Variants in AIMP2 observed in about 807,000 individuals in gnomAD.
The protein encoded by AIMP2 is aminoacyl tRNA synthase complex-interacting multifunctional protein 2.
AIMP2 carries 20 observed loss-of-function variants against 23.4 expected under a neutral mutation model. That is an observed-to-expected ratio of 0.85 (90% CI 0.60 to 1.24). AIMP2 has a LOEUF of 1.24. Among genes scored for constraint, AIMP2 ranks in the 50% most tolerant of loss-of-function variants. The pLI is 0.00. For synonymous variants in AIMP2, 210 were observed against 170.4 expected (o/e 1.23, Z -1.81); for missense variants, 515 against 414.5 (o/e 1.24, Z -2.10).
At chr7:6,012,919 T>C in intron 1 of AIMP2, 3 of 989,320 alleles carry the variant, frequency 3.0e-6, no homozygotes, top group Non-Finnish European at 3.6e-6. Flanking sequence ...TTCACATTTC[T>C]CTGACGTTTG....
chr7:6,022,426 G>T (rs912995255), intron 3 of AIMP2: 4 of 152,058 alleles, frequency 2.6e-5, no homozygotes, highest in African/African-American at 9.7e-5. Context: ...AGCAGTCGGG[G>T]GTCAGTGTCC....
At chr7:6,018,111 C>A in intron 3 of AIMP2, 66 bp downstream of exon 3, 1 of 1,226,918 alleles carries the variant, frequency 8.2e-7, no homozygotes, top group Non-Finnish European at 1.2e-6. Flanking sequence ...GTTTCACCTG[C>A]ATGAGTCCAT....
chr7:6,023,640 G>T lies in AIMP2; in HGVS notation c.912G>T (p.Arg304Ser). The T allele has an allele frequency of 6.2e-7, 1 of 1,614,154 alleles. No homozygotes were observed. The highest frequency in any genetic ancestry group is 8.5e-7 in the Non-Finnish European group (1 of 1,180,024). The change falls in exon 4 of 4, where the codon AGG becomes AGT. Residue 304 changes from arginine to serine, a missense_variant. Transcript: ENST00000223029. The part of the protein sequence containing the change: ...TVPANVQRWM[R>S]SCENLAPFNT... ...CAGCCAATGTGCAGAGGTGGATGAG[G>T]TCTTGTGAAAACCTGGCTCCTTTTA...
Position 6,011,765 on chromosome 7 carries a change from A to T in AIMP2, c.135+2267A>T, listed in dbSNP as rs548615948. Among the ~76,000 whole-genome samples, 73 of 152,318 alleles carry T rather than the reference A, an allele frequency of 4.8e-4. 1 individual carries two copies. The South Asian group carries it at 0.011, about 23-fold the overall frequency. Reference sequence around the variant, plus strand: ...AGTCACCCTCCAACTGCACAGTCCCATGAAGCCAAAAAGACAATCCAGGTT... The same window carrying T: ...AGTCACCCTCCAACTGCACAGTCCCTTGAAGCCAAAAAGACAATCCAGGTT... On this transcript the variant is annotated intron_variant, in intron 1 of 3. Coordinates refer to ENST00000223029, the MANE Select transcript of AIMP2 (RefSeq NM_006303.4).
Position 6,023,576 on chromosome 7 carries a change from C to T in AIMP2, c.848C>T (p.Ser283Phe), listed in dbSNP as rs754007971. The T allele has an allele frequency of 6.2e-7, 1 of 1,614,206 alleles. No homozygotes were observed. The highest frequency in any genetic ancestry group is 1.1e-5 in the South Asian group (1 of 91,086). Reference sequence around the variant, plus strand: ...ACCGTAGCAGACGTGGTGCTGTGGTCTGTACTCCAGCAGATCGGAGGCTGC... The same window carrying T: ...ACCGTAGCAGACGTGGTGCTGTGGTTTGTACTCCAGCAGATCGGAGGCTGC... ...ELTVADVVLWSVLQQIGGCSV... is the reference protein window; with the variant it reads ...ELTVADVVLWFVLQQIGGCSV... The change falls in exon 4 of 4, where the codon TCT becomes TTT. Residue 283 changes from serine (S) to phenylalanine (F), a missense_variant. Physicochemically the swap from Ser to Phe is radical, Grantham distance 155. Coordinates refer to ENST00000223029, the MANE Select transcript of AIMP2 (RefSeq NM_006303.4).
rs1296854295 is a variant in AIMP2, at chr7:6,023,621, A to G, written c.893A>G (p.Asn298Ser). The G allele has an allele frequency of 5.7e-5, 92 of 1,614,026 alleles. No homozygotes were observed. The highest frequency in any genetic ancestry group is 7.4e-5 in the Non-Finnish European group (87 of 1,180,012). The change falls in exon 4 of 4, where the codon AAT (asparagine) becomes AGT (serine). Residue 298 changes from asparagine (N) to serine (S), a missense_variant. Physicochemically the swap from Asn to Ser is conservative, Grantham distance 46. Transcript: ENST00000223029. The part of the protein sequence containing the change: ...IGGCSVTVPA[N>S]VQRWMRSCEN... ...GGCTGCAGTGTGACAGTGCCAGCCA[A>G]TGTGCAGAGGTGGATGAGGTCTTGT...
intron 3 of AIMP2, chr7:6,023,027 T>C (rs1787547038): frequency 2.8e-6 from 1 of 354,846 alleles, no homozygotes; most frequent in Non-Finnish European, 5.1e-6. Context: ...GCAGCAGGGA[T>C]TGGAGCAGGT....
intron 1 of AIMP2, among the ~76,000 whole-genome samples, chr7:6,010,544 G>C (rs1786591355): frequency 6.6e-6 from 1 of 151,680 alleles, no homozygotes; most frequent in Admixed American, 6.6e-5. Flanking sequence ...CTGCCTCCCA[G>C]GTTGAAGCAA....
At chr7:6,019,337 T>G (rs181191998) in intron 3 of AIMP2, among the ~76,000 whole-genome samples, 1,682 of 150,458 alleles carry the variant, frequency 0.011, 21 homozygotes, top group Non-Finnish European at 0.019. Context: ...AAAAAAAAAT[T>G]AGCCAGGCAT....
intron 2 of AIMP2, among the ~76,000 whole-genome samples, chr7:6,016,295 A>G (rs992575122): frequency 2.0e-5 from 3 of 152,176 alleles, no homozygotes; most frequent in Non-Finnish European, 4.4e-5. Flanking sequence ...CCACAATGTG[A>G]TATTTATTTG....
At chr7:6,015,019 C>T (rs1251743097) in intron 1 of AIMP2, 127 bp from the exon 2 acceptor site, 3 of 1,543,828 alleles carry the variant, frequency 1.9e-6, no homozygotes, top group Non-Finnish European at 1.7e-6. Flanking sequence ...CACACCCAGC[C>T]CATAATGTCT....
chr7:6,010,279 A>G (rs1404444945), intron 1 of AIMP2, among the ~76,000 whole-genome samples: 5 of 151,908 alleles, frequency 3.3e-5, no homozygotes, highest in African/African-American at 1.2e-4. Context: ...AGCGAACCCC[A>G]GGGTCACCAT....
At chr7:6,018,930 C>T (rs1787205800) in intron 3 of AIMP2, among the ~76,000 whole-genome samples, 1 of 150,970 alleles carries the variant, frequency 6.6e-6, no homozygotes, top group South Asian at 2.1e-4. Flanking sequence ...ACAAAATATA[C>T]ACAAATCTAT....
At position 6,016,009 on chromosome 7, in the gene AIMP2, A is replaced by G. The variant is rs3801029; in HGVS notation, c.342+657A>G. On this transcript the variant is annotated intron_variant, in intron 2 of 3. Coordinates refer to ENST00000223029, the MANE Select transcript of AIMP2 (RefSeq NM_006303.4). ...AGAACAGATCTCAGCTTGCTTGCTC[A>G]GTGTTCCCCAGAGGTTCAGCAGAGG... Among the ~76,000 whole-genome samples, 10 of 152,308 alleles carry G rather than the reference A, an allele frequency of 6.6e-5. No individual in the cohort carries two copies. The East Asian group carries it at 1.7e-3, about 26-fold the overall frequency.
intron 1 of AIMP2, among the ~76,000 whole-genome samples, chr7:6,014,747 T>A (rs1786910792): frequency 6.6e-6 from 1 of 151,744 alleles, no homozygotes; most frequent in Non-Finnish European, 1.5e-5. Flanking sequence ...TGAGATGGAG[T>A]CTCACTCTGT....
chr7:6,009,547 G>A (rs2128870033), intron 1 of AIMP2, 49 bp downstream of exon 1: 1 of 1,380,734 alleles, frequency 7.2e-7, no homozygotes, highest in Non-Finnish European at 9.3e-7. Context: ...GCGACCGGCT[G>A]CTGGCCCGGG....
chr7:6,009,974 A>AAAAATATATATATAT, intron 1 of AIMP2, among the ~76,000 whole-genome samples: 30 of 26,644 alleles, frequency 1.1e-3, no homozygotes, highest in East Asian at 3.7e-3. Context: ...AAAAAAAAAA[A>AAAAATATATATATAT]ATATATATAT....
In AIMP2 at chr7:6,023,554, G is replaced by A. The variant is rs147246097; in HGVS notation, c.826G>A (p.Val276Ile). The A allele has an allele frequency of 2.3e-4, 378 of 1,614,118 alleles. No homozygotes were observed. Among genetic ancestry groups the A allele is most frequent in the Non-Finnish European group, 2.0e-4 (232 of 1,180,046 alleles). ...SPWLAGNELT[V>I]ADVVLWSVLQ... is the part of the protein sequence containing the mutation. ...TTGGCTCGCTGGGAATGAACTCACC[G>A]TAGCAGACGTGGTGCTGTGGTCTGT... The change falls in exon 4 of 4, where the codon GTA (valine) becomes ATA (isoleucine). Residue 276 changes from valine (V) to isoleucine (I), a missense_variant. Physicochemically the swap from Val to Ile is conservative, Grantham distance 29. Transcript: ENST00000223029.
At position 6,023,827 on chromosome 7, in the gene AIMP2, G is replaced by A; in HGVS notation, c.*136G>A. 5 of 1,557,916 alleles carry A rather than the reference G, an allele frequency of 3.2e-6. No individual in the cohort carries two copies. The highest frequency in any genetic ancestry group is 4.3e-6 in the Non-Finnish European group (5 of 1,149,928). On this transcript the variant is annotated 3_prime_UTR_variant, in exon 4 of 4. Coordinates refer to ENST00000223029, the MANE Select transcript of AIMP2 (RefSeq NM_006303.4). ...TGTCAAGTGTCAATAAAAGCATCATGTAATTTATGGTTTTCATTTTATTTA... is the reference window on the plus strand; with the variant it reads ...TGTCAAGTGTCAATAAAAGCATCATATAATTTATGGTTTTCATTTTATTTA...
Sources: allele counts gnomAD v4.1 joint callset (sites outside exome capture counted in the v4.1 genomes callset), GRCh38; gene constraint gnomAD v4.1.1; transcripts MANE v1.5; gene names NCBI Gene and HGNC (gene_info 2026-07-23, HGNC 2026-07-21).